The following MRPS27 variants were observed in gnomAD, a reference collection of about 807,000 sequenced individuals.
MRPS27 encodes the protein mitochondrial ribosomal protein S27.
A neutral mutation model predicts 48.9 loss-of-function variants in MRPS27; 43 were observed. That is an observed-to-expected ratio of 0.88 (90% CI 0.69 to 1.13). MRPS27 has a LOEUF of 1.13. Among genes scored for constraint, MRPS27 ranks in the 50% most tolerant of loss-of-function variants. The pLI is 0.00. For synonymous variants in MRPS27, 188 were observed against 171.9 expected, an observed-to-expected ratio of 1.09 and a Z score of -0.73; for missense variants, 467 against 476.3, an observed-to-expected ratio of 0.98 and a Z score of 0.18.
chr5:72,225,679 T>C (rs893411192), intron 9 of MRPS27, among the ~76,000 whole-genome samples: 2 of 152,132 alleles, frequency 1.3e-5, no homozygotes, highest in Non-Finnish European at 2.9e-5. Flanking sequence ...AGGACTTTTA[T>C]GGGGAAAGAT....
intron 8 of MRPS27, 54 bp from the exon 9 acceptor site, chr5:72,226,253 TAAG>T (rs1187291335): frequency 1.2e-6 from 2 of 1,601,882 alleles, no homozygotes; most frequent in Non-Finnish European, 1.7e-6. Flanking sequence ...CCACCATTTC[TAAG>T]ACTGAGGACC....
At chr5:72,290,511 T>A (rs1408889755) in intron 4 of MRPS27, among the ~76,000 whole-genome samples, 1 of 152,220 alleles carries the variant, frequency 6.6e-6, no homozygotes, top group Non-Finnish European at 1.5e-5. Flanking sequence ...TCACATCTGA[T>A]CCTTGTGGTT....
At chr5:72,262,749 TTTA>T (rs1360766648) in intron 4 of MRPS27, among the ~76,000 whole-genome samples, 1 of 151,810 alleles carries the variant, frequency 6.6e-6, no homozygotes, top group Non-Finnish European at 1.5e-5. Flanking sequence ...AGGTCTTTTT[TTTA>T]TTATTATTAA....
intron 5 of MRPS27, among the ~76,000 whole-genome samples, chr5:72,235,614 T>C (rs980194324): frequency 2.0e-5 from 3 of 152,128 alleles, no homozygotes; most frequent in African/African-American, 7.2e-5. Flanking sequence ...AGGGAGTACA[T>C]AGAAAATCTA....
chr5:72,298,000 T>C (rs1750025306), intron 2 of MRPS27, among the ~76,000 whole-genome samples: 2 of 152,298 alleles, frequency 1.3e-5, no homozygotes, highest in South Asian at 4.1e-4. Flanking sequence ...AGAAAGAATT[T>C]ATGACTAAGT....
intron 5 of MRPS27, among the ~76,000 whole-genome samples, chr5:72,237,251 C>G (rs2111959542): frequency 6.6e-6 from 1 of 152,204 alleles, no homozygotes; most frequent in South Asian, 2.1e-4. Flanking sequence ...AGGGCAAGAA[C>G]AGAATATTGC....
intron 4 of MRPS27, among the ~76,000 whole-genome samples, chr5:72,259,219 A>G (rs1748895840): frequency 6.6e-6 from 1 of 152,210 alleles, no homozygotes; most frequent in African/African-American, 2.4e-5. Context: ...CTGTAATCCC[A>G]GCACTTTGGG....
intron 2 of MRPS27, among the ~76,000 whole-genome samples, chr5:72,299,340 T>C (rs1260854054): frequency 2.7e-5 from 4 of 146,728 alleles, no homozygotes; most frequent in South Asian, 2.2e-4. Context: ...AGACCTGGGA[T>C]GGGGAGGGGC....
At chr5:72,282,112 A>T (rs1303079180) in intron 4 of MRPS27, among the ~76,000 whole-genome samples, 1 of 152,202 alleles carries the variant, frequency 6.6e-6, no homozygotes, top group Non-Finnish European at 1.5e-5. Flanking sequence ...CTGGAAATCT[A>T]TCATGAAAAT....
intron 4 of MRPS27, 40 bp from the exon 5 acceptor site, chr5:72,238,168 TTA>T (rs1748254389): frequency 7.2e-7 from 1 of 1,383,026 alleles, no homozygotes; most frequent in South Asian, 1.2e-5. Context: ...GTGTTAACTC[TTA>T]TATGTTAAAA....
At chr5:72,288,246 C>T (rs1311908166) in intron 4 of MRPS27, among the ~76,000 whole-genome samples, 2 of 148,514 alleles carry the variant, frequency 1.3e-5, no homozygotes, top group African/African-American at 2.5e-5. Context: ...CTTGCTCTGT[C>T]GCCCAGGCTG....
intron 4 of MRPS27, among the ~76,000 whole-genome samples, chr5:72,282,893 T>C (rs934108391): frequency 6.6e-6 from 1 of 152,234 alleles, no homozygotes. Flanking sequence ...TGTTTACTTT[T>C]ACATCTATTA....
At chr5:72,291,057 A>T (rs1749805770) in intron 4 of MRPS27, among the ~76,000 whole-genome samples, 1 of 152,154 alleles carries the variant, frequency 6.6e-6, no homozygotes, top group African/African-American at 2.4e-5. Context: ...GGCCTGTCCA[A>T]ATCTTCTCAC....
At chr5:72,228,196 T>C in intron 8 of MRPS27, 70 bp downstream of exon 8, 1 of 1,296,296 alleles carries the variant, frequency 7.7e-7, no homozygotes, top group Non-Finnish European at 1.1e-6. Flanking sequence ...ATTACAATTT[T>C]ATTATGAACT....
intron 3 of MRPS27, among the ~76,000 whole-genome samples, chr5:72,297,184 A>G (rs1345199812): frequency 6.6e-6 from 1 of 152,222 alleles, no homozygotes; most frequent in African/African-American, 2.4e-5. Context: ...AATGGTTACT[A>G]TTCCTGATTC....
rs750987632 is a variant in MRPS27 at position 72,242,428 on chromosome 5, G to GAA, written c.282-4302_282-4301dup. ...AGGTTATATAAAAGAGATCAAGAGT[G>GAA]AAAAAAAAAAAAAAAACACCACAGA... On this transcript the variant is annotated intron_variant, in intron 4 of 10. Coordinates refer to ENST00000261413, the MANE Select transcript of MRPS27 (RefSeq NM_015084.3). Among the ~76,000 whole-genome samples, 1,135 of 120,630 alleles carry GAA rather than the reference G, an allele frequency of 9.4e-3. 20 individuals are homozygous for GAA. Among genetic ancestry groups the GAA allele is most frequent in the African/African-American group, 0.029 (932 of 32,336 alleles). 79.1% of individuals were successfully genotyped at this position (120,630 alleles called of 152,430 possible).
At chr5:72,233,514 T>C (rs1464843966) in intron 6 of MRPS27, among the ~76,000 whole-genome samples, 2 of 152,166 alleles carry the variant, frequency 1.3e-5, no homozygotes, top group Non-Finnish European at 2.9e-5. Flanking sequence ...TTCATAACTA[T>C]AAAATAGCAC....
chr5:72,273,746 G>A lies in MRPS27; in HGVS notation c.281+21785C>T, dbSNP rs114645532. Among the ~76,000 whole-genome samples the A allele has an allele frequency of 8.0e-3, 1,211 of 152,302 alleles. 3 individuals carry two copies. The highest frequency in any genetic ancestry group is 0.013 in the Non-Finnish European group (868 of 68,024). ...ACTACAAGTAGCTCTGGGTGAGTCA[G>A]TAAGCAAGCAGTGAGTAAACGTGAA... is the stretch of plus-strand genomic sequence containing the variant. On this transcript the variant is annotated intron_variant, in intron 4 of 10. Transcript: ENST00000261413.
At chr5:72,312,915 G>C (rs921231383) in intron 2 of MRPS27, among the ~76,000 whole-genome samples, 3 of 152,136 alleles carry the variant, frequency 2.0e-5, no homozygotes, top group African/African-American at 7.2e-5. Flanking sequence ...ACCACACCCA[G>C]CCATATACTG....
Sources: gnomAD v4.1 joint callset for allele counts (sites outside exome capture counted in the v4.1 genomes callset) on GRCh38, gnomAD v4.1.1 for gene constraint, MANE v1.5 for transcripts, NCBI Gene and HGNC (gene_info 2026-07-23, HGNC 2026-07-21) for gene names.